The following ATP7A variants were observed in gnomAD, a reference collection of about 807,000 sequenced individuals.
ATP7A encodes the protein copper-transporting ATPase 1.
Under a neutral mutation model 83.5 loss-of-function variants are expected in ATP7A, and 7 were observed. That is an observed-to-expected ratio of 0.08 (90% CI 0.05 to 0.16). The LOEUF is 0.16. ATP7A is among the 10% of genes least tolerant of loss of function. The pLI, the probability that ATP7A is intolerant of heterozygous loss-of-function variation, is 1.00. For missense variants in ATP7A, 940 were observed against 1,120.8 expected, an observed-to-expected ratio of 0.84 and a Z score of 2.30; for synonymous variants, 354 against 395.2, an observed-to-expected ratio of 0.90 and a Z score of 1.24.
Position 77,956,797 on chromosome X carries a change from C to CTCTTTCTTTCT in ATP7A, c.-21-14823_-21-14822insCTTTCTTTCTT, listed in dbSNP as rs1569549171. Among the ~76,000 whole-genome samples, 11 of 82,687 alleles carry CTCTTTCTTTCT rather than the reference C, an allele frequency of 1.3e-4. No individual in the cohort carries two copies. In the East Asian group the frequency reaches 3.4e-3, roughly 26 times the overall value. 71.8% of individuals were successfully genotyped at this position (82,687 alleles called of 115,157 possible). On this transcript the variant is annotated intron_variant, in intron 1 of 22. Coordinates refer to ENST00000341514, the MANE Select transcript of ATP7A (RefSeq NM_000052.7). ...TTTCTTTCTTTCTTTCTCTTTCTTTCTTTTTTTTTTTTTTAACTGACACAG... is the reference window on the plus strand; with the variant it reads ...TTTCTTTCTTTCTTTCTCTTTCTTTCTCTTTCTTTCTTTTTTTTTTTTTTTAACTGACACAG...
At position 78,040,630 on chromosome X, in the gene ATP7A, A is replaced by C. The variant is rs1557238253; in HGVS notation, c.3698A>C (p.Lys1233Thr). The stretch of plus-strand genomic sequence containing the variant: ...TTGATAGCCATTGCAGACACAGTGA[A>C]GCCTGAAGCAGAACTGGCTATCCAT... ...CGLIAIADTVKPEAELAIHIL... is the reference protein window; with the variant it reads ...CGLIAIADTVTPEAELAIHIL... The change falls in exon 19 of 23, where the codon AAG becomes ACG. Residue 1233 changes from lysine to threonine, a missense_variant. Lys to Thr is a moderately conservative substitution (Grantham distance 78, BLOSUM62 -1). Around this residue, in one of 3 missense-constraint regions of ATP7A, gnomAD observed 386 missense variants for 502.2 expected, o/e 0.77. Coordinates refer to ENST00000341514, the MANE Select transcript of ATP7A (RefSeq NM_000052.7). 1 of 1,211,099 alleles carries C rather than the reference A, an allele frequency of 8.3e-7. No individual in the cohort carries two copies. The highest frequency in any genetic ancestry group is 1.1e-6 in the Non-Finnish European group (1 of 894,771).
At chrX:77,959,544 T>C (rs1557227835) in intron 1 of ATP7A, among the ~76,000 whole-genome samples, 2 of 111,979 alleles carry the variant, frequency 1.8e-5, no homozygotes, top group Non-Finnish European at 3.8e-5. Context: ...TAGATGCCAG[T>C]AGTACTCCCT....
intron 1 of ATP7A, among the ~76,000 whole-genome samples, chrX:77,937,999 C>T (rs1557225233): frequency 1.8e-5 from 2 of 110,102 alleles, no homozygotes; most frequent in African/African-American, 6.6e-5. Context: ...AATATTTGGT[C>T]TGGTGTACTA....
At chrX:78,045,711 G>A in intron 22 of ATP7A, 139 bp downstream of exon 22, 1 of 627,016 alleles carries the variant, frequency 1.6e-6, no homozygotes, top group Non-Finnish European at 2.5e-6. Context: ...GGCCGGGCGT[G>A]GTGGCTCACA....
intron 14 of ATP7A, among the ~76,000 whole-genome samples, chrX:78,025,795 G>T (rs1603388326): frequency 9.4e-6 from 1 of 105,880 alleles, no homozygotes; most frequent in Non-Finnish European, 2.0e-5. Flanking sequence ...TTTCCCTAAA[G>T]AAAAAAAAAA....
chrX:77,994,530 C>A (rs1413930456), intron 4 of ATP7A, among the ~76,000 whole-genome samples: 1 of 110,000 alleles, frequency 9.1e-6, no homozygotes, highest in Non-Finnish European at 1.9e-5. Flanking sequence ...ACTATGACTG[C>A]AGCAAGTTCA....
At chrX:78,004,172 CA>C (rs1481619072) in intron 6 of ATP7A, among the ~76,000 whole-genome samples, 1 of 111,262 alleles carries the variant, frequency 9.0e-6, no homozygotes, top group Non-Finnish European at 1.9e-5. Context: ...AAACAAGTTG[CA>C]GTGTAATACT....
chrX:77,941,313 CA>C (rs1472504321), intron 1 of ATP7A, among the ~76,000 whole-genome samples: 1 of 112,053 alleles, frequency 8.9e-6, no homozygotes, highest in Non-Finnish European at 1.9e-5. Flanking sequence ...GGGAATATTA[CA>C]ACCATTTTAT....
intron 6 of ATP7A, among the ~76,000 whole-genome samples, chrX:78,005,683 C>CAAAAAAAAAAAAAAAAA (rs1218646073): frequency 7.3e-5 from 1 of 13,696 alleles, no homozygotes; most frequent in Non-Finnish European, 1.2e-4. Flanking sequence ...AACTCCATCT[C>CAAAAAAAAAAAAAAAAA]AAAAAAAAAA....
intron 2 of ATP7A, chrX:77,975,660 T>C (rs1345646272): frequency 2.7e-5 from 3 of 109,570 alleles, no homozygotes; most frequent in Non-Finnish European, 5.7e-5. Flanking sequence ...TGGGTAATTT[T>C]TTGTACTTTT....
intron 1 of ATP7A, among the ~76,000 whole-genome samples, chrX:77,911,430 T>C (rs1179108420): frequency 8.9e-6 from 1 of 112,029 alleles, no homozygotes; most frequent in Non-Finnish European, 1.9e-5. Context: ...CAAACACTTA[T>C]CGTTTCACAA....
At chrX:78,043,489 CAT>C in intron 21 of ATP7A, 55 bp downstream of exon 21, 7 of 948,966 alleles carry the variant, frequency 7.4e-6, no homozygotes, top group Non-Finnish European at 4.6e-6. Flanking sequence ...AGAGACCTAA[CAT>C]ATTGGAAGCC....
chrX:77,997,348 A>G (rs2077710774), intron 4 of ATP7A, among the ~76,000 whole-genome samples: 1 of 111,964 alleles, frequency 8.9e-6, no homozygotes, highest in South Asian at 3.7e-4. Flanking sequence ...ATGCATTCAG[A>G]TTTAAGAGGC....
chrX:77,998,638 C>T lies in ATP7A; in HGVS notation c.1497C>T (p.Cys499=), dbSNP rs782495317. ...KCYIQVTGMT[C]ASCVANIERN... is the part of the protein sequence containing the mutation. ...ACATACAGGTCACTGGCATGACTTG[C>T]GCTTCCTGTGTAGCAAACATTGAAC... Residue 499 remains cysteine (C), a synonymous_variant, in exon 5 of 23, where the codon TGC becomes TGT. Coordinates refer to ENST00000341514, the MANE Select transcript of ATP7A (RefSeq NM_000052.7). The T allele has an allele frequency of 9.1e-6, 11 of 1,210,210 alleles. No individual in the cohort carries two copies. The highest frequency in any genetic ancestry group is 5.3e-5 in the South Asian group (3 of 56,840).
In ATP7A at chrX:77,989,876, T is replaced by A; in HGVS notation, c.1254T>A (p.Thr418=). 8.3e-7 allele frequency: 1 copy of A among 1,209,920 alleles called. No individual in the cohort carries two copies. Among genetic ancestry groups the A allele is most frequent in the Non-Finnish European group, 1.1e-6 (1 of 894,266 alleles). Residue 418 remains threonine, a synonymous_variant, in exon 4 of 23, where the codon ACT becomes ACA. Transcript: ENST00000341514. The part of the protein sequence containing the change: ...IRVSLANSNG[T]VEYDPLLTSP... ...TCTCCCTTGCAAATAGCAATGGGAC[T>A]GTTGAGTATGATCCTCTACTAACCT...
intron 1 of ATP7A, among the ~76,000 whole-genome samples, chrX:77,956,730 T>TCTTC (rs2077443656): frequency 3.3e-5 from 2 of 61,005 alleles, no homozygotes; most frequent in South Asian, 1.8e-3. Flanking sequence ...CAGTCTCCTT[T>TCTTC]CTTTCTTTCT....
intron 1 of ATP7A, chrX:77,924,655 G>A (rs2077231980): frequency 8.9e-6 from 1 of 111,850 alleles, no homozygotes; most frequent in Non-Finnish European, 1.9e-5. Context: ...CTTTGAATAA[G>A]AGAGAATGTT....
At position 78,013,866 on chromosome X, in the gene ATP7A, C is replaced by G. The variant is rs190527508; in HGVS notation, c.2406+754C>G. 6.2e-3 allele frequency among the ~76,000 whole-genome samples: 639 copies of G among 103,875 alleles called. 3 individuals are homozygous for G. Among genetic ancestry groups the G allele is most frequent in the African/African-American group, 0.022 (611 of 27,711 alleles). The allele number at this position is 103,875 out of a possible 115,157, so 90.2% of individuals were successfully genotyped here. A position where few individuals can be genotyped will look rare whatever the true frequency, so the allele number is the denominator to read the frequency against. On this transcript the variant is annotated intron_variant, in intron 10 of 22. Coordinates refer to ENST00000341514, the MANE Select transcript of ATP7A (RefSeq NM_000052.7). Reference sequence around the variant, plus strand: ...AGTATTTTTACTACAACTTCACCAGCATTGCATCCCCCCCACAAATTCTTT... The same window carrying G: ...AGTATTTTTACTACAACTTCACCAGGATTGCATCCCCCCCACAAATTCTTT...
chrX:78,035,975 T>C (rs782526528), intron 17 of ATP7A, among the ~76,000 whole-genome samples: 3 of 112,272 alleles, frequency 2.7e-5, no homozygotes, highest in Admixed American at 9.5e-5. Flanking sequence ...TACTAGTCTG[T>C]GACTTCTTTA....
Sources: allele counts gnomAD v4.1 joint callset (sites outside exome capture counted in the v4.1 genomes callset), GRCh38; gene constraint gnomAD v4.1.1; regional missense constraint gnomAD v4.1.1; transcripts MANE v1.5; gene names NCBI Gene and HGNC (gene_info 2026-07-23, HGNC 2026-07-21).